The following SYTL2 variants were observed in gnomAD, a reference collection of about 807,000 sequenced individuals.
The protein encoded by SYTL2 is synaptotagmin-like protein 2.
In SYTL2, 165 loss-of-function variants were observed where a neutral mutation model predicts 198.7. That is an observed-to-expected ratio of 0.83 (90% CI 0.73 to 0.94). SYTL2 has a LOEUF of 0.94. Ranked by LOEUF, SYTL2 falls within the 40% of genes least tolerant of loss-of-function variation. The probability of loss-of-function intolerance (pLI) is 0.00; values close to 1 mark genes in which losing one functional copy is unlikely to be tolerated. For missense variants in SYTL2, 2,835 were observed against 2,582.8 expected, an observed-to-expected ratio of 1.10 and a Z score of -2.12; for synonymous variants, 966 against 917.7, an observed-to-expected ratio of 1.05 and a Z score of -0.95.
At chr11:85,853,379 T>A in the SYTL2 span, 1 of 438,714 alleles carries the variant, frequency 2.3e-6, no homozygotes, top group Non-Finnish European at 4.5e-6. Flanking sequence ...CGGTGCTCTC[T>A]GAAACATGTG....
chr11:85,804,895 G>A (rs1478666125), intron 1 of SYTL2, among the ~76,000 whole-genome samples: 1 of 152,200 alleles, frequency 6.6e-6, no homozygotes, highest in East Asian at 1.9e-4. Flanking sequence ...TGTAGAAATT[G>A]TAGCTAAATC....
chr11:85,844,157 G>A, the SYTL2 span, among the ~76,000 whole-genome samples: 1 of 152,196 alleles, frequency 6.6e-6, no homozygotes, highest in East Asian at 1.9e-4. Flanking sequence ...ACTCTATCGT[G>A]TAAGCCCTAG....
At chr11:85,720,272 A>G (rs188459920) in intron 9 of SYTL2, among the ~76,000 whole-genome samples, 1 of 152,356 alleles carries the variant, frequency 6.6e-6, no homozygotes, top group Non-Finnish European at 1.5e-5. Context: ...ACTCCGTATC[A>G]TGCAAAATTC....
chr11:85,835,651 T>A, the SYTL2 span, among the ~76,000 whole-genome samples: 1 of 152,196 alleles, frequency 6.6e-6, no homozygotes, highest in Non-Finnish European at 1.5e-5. Context: ...AATATCCCTC[T>A]CAGAACCCTC....
chr11:85,756,165 A>C (rs2091854388), intron 2 of SYTL2, among the ~76,000 whole-genome samples: 1 of 152,160 alleles, frequency 6.6e-6, no homozygotes, highest in Admixed American at 6.5e-5. Flanking sequence ...ATAAACTGTC[A>C]ATGGGTAGAG....
At chr11:85,846,437 TG>T in the SYTL2 span, among the ~76,000 whole-genome samples, 1 of 148,424 alleles carries the variant, frequency 6.7e-6, no homozygotes, top group Non-Finnish European at 1.5e-5. Context: ...CATTTCGTTT[TG>T]TTTTTTTGAG....
Position 85,725,206 on chromosome 11 carries a change from A to C in SYTL2, c.4152T>G (p.Ser1384Arg). ...LQKLCGEVWL[S>R]YPAGREVGPG... ...GACCTACTTCCCTTCCAGCTGGATA[A>C]CTTAACCATACTTCTCCACACAGCT... Residue 1384 changes from serine to arginine, a missense_variant, in exon 8 of 20, where the codon AGT (serine) becomes AGG (arginine). This residue lies in a region of SYTL2 where 2,645 missense variants were observed against 2,381.7 expected (regional missense o/e 1.11). Transcript: ENST00000359152. The C allele has an allele frequency of 1.2e-6, 2 of 1,614,154 alleles. No individual in the cohort carries two copies. Among genetic ancestry groups the C allele is most frequent in the South Asian group, 2.2e-5 (2 of 91,076 alleles).
chr11:85,849,329 C>T, the SYTL2 span, among the ~76,000 whole-genome samples: 20,773 of 152,084 alleles, frequency 0.14, 1,746 homozygotes, highest in Middle Eastern at 0.19. Context: ...CTTTTGTTGC[C>T]GTTGCTTTTG....
At chr11:85,710,292 G>A (rs527750802) in intron 13 of SYTL2, among the ~76,000 whole-genome samples, 1 of 152,310 alleles carries the variant, frequency 6.6e-6, no homozygotes, top group African/African-American at 2.4e-5. Flanking sequence ...AGGTCAGGAA[G>A]GGTAGAAAAT....
At chr11:85,823,973 A>G in the SYTL2 span, among the ~76,000 whole-genome samples, 2 of 152,182 alleles carry the variant, frequency 1.3e-5, no homozygotes, top group Admixed American at 1.3e-4. Context: ...ACTTGCAAAG[A>G]AACCATGGGA....
In SYTL2 at chr11:85,726,890, G is replaced by A. The variant is rs1316273712; in HGVS notation, c.2468C>T (p.Ser823Phe). ...CTTCACAGGCTGATATGCTTTAGCA[G>A]AAGGTTGTTCCTGGCTACATGAAGA... ...PTSSCSQEQPSAKAYQPVKKS... is the reference protein window; with the variant it reads ...PTSSCSQEQPFAKAYQPVKKS... Residue 823 changes from serine to phenylalanine, a missense_variant, in exon 8 of 20, where the codon TCT becomes TTT. Around this residue, in one of 3 missense-constraint regions of SYTL2, gnomAD observed 2,645 missense variants for 2,381.7 expected, o/e 1.11. Coordinates refer to ENST00000359152, the MANE Select transcript of SYTL2 (RefSeq NM_206927.4). The A allele has an allele frequency of 1.3e-6, 2 of 1,536,656 alleles. No individual in the cohort carries two copies. The highest frequency in any genetic ancestry group is 2.7e-5 in the African/African-American group (2 of 73,174).
chr11:85,798,821 C>CT (rs2092841817), intron 1 of SYTL2, among the ~76,000 whole-genome samples: 1 of 152,170 alleles, frequency 6.6e-6, no homozygotes, highest in African/African-American at 2.4e-5. Flanking sequence ...GTAGGCACCC[C>CT]TTCCCTGGCA....
chr11:85,837,661 A>AGGAGGCCC, the SYTL2 span, among the ~76,000 whole-genome samples: 4 of 152,168 alleles, frequency 2.6e-5, no homozygotes, highest in Admixed American at 2.6e-4. Flanking sequence ...TGACAGCAGA[A>AGGAGGCCC]CCAGGGTCTC....
intron 11 of SYTL2, chr11:85,716,453 CAA>C (rs2087247784): frequency 6.6e-6 from 1 of 152,148 alleles, no homozygotes; most frequent in South Asian, 2.1e-4. Flanking sequence ...ACCTCATAAG[CAA>C]AGTTTCAGGT....
In SYTL2 at chr11:85,745,695, G is replaced by C; in HGVS notation, c.331C>G (p.Pro111Ala). 4 of 1,613,918 alleles carry C rather than the reference G, an allele frequency of 2.5e-6. No homozygotes were observed. Among genetic ancestry groups the C allele is most frequent in the Non-Finnish European group, 3.4e-6 (4 of 1,179,834 alleles). The change falls in exon 4 of 20, where the codon CCA becomes GCA. Residue 111 changes from proline (P) to alanine (A), a missense_variant. By Grantham distance (27) the Pro-to-Ala change is conservative. This residue lies in a region of SYTL2 where 2,645 missense variants were observed against 2,381.7 expected (regional missense o/e 1.11). Transcript: ENST00000359152. ...NNVNKDAFLP[P>A]ELAGVVEEPE... is the part of the protein sequence containing the mutation. ...TCTTCTACAACGCCAGCCAGCTCTGGAGGAAGGAAAGCATCTTTGTTGACA... is the reference window on the plus strand; with the variant it reads ...TCTTCTACAACGCCAGCCAGCTCTGCAGGAAGGAAAGCATCTTTGTTGACA...
In SYTL2 at chr11:85,708,037, C is replaced by T. The variant is rs112835953; in HGVS notation, c.5916-506G>A. On this transcript the variant is annotated intron_variant, in intron 14 of 19. Transcript: ENST00000359152. ...AGTTAGCTGGGTGTGGTGATGCATG[C>T]CTGTAATTCCAGCTAGTCAGGAGGC... 297 of 364,460 alleles carry T rather than the reference C, an allele frequency of 8.1e-4. 3 individuals are homozygous for T. The highest frequency in any genetic ancestry group is 3.9e-3 in the African/African-American group (170 of 43,984). The allele number at this position is 364,460 out of a possible 1,614,324, so 22.6% of individuals were successfully genotyped here. A position where few individuals can be genotyped will look rare whatever the true frequency, so the allele number is the denominator to read the frequency against.
chr11:85,710,978 A>G (rs985878444), intron 13 of SYTL2, 135 bp downstream of exon 13: 2 of 898,108 alleles, frequency 2.2e-6, no homozygotes, highest in Non-Finnish European at 3.3e-6. Context: ...GCTAGCCAGA[A>G]GCTAATTATG....
intron 1 of SYTL2, among the ~76,000 whole-genome samples, chr11:85,781,606 A>G (rs187677128): frequency 6.6e-6 from 1 of 152,338 alleles, no homozygotes; most frequent in East Asian, 1.9e-4. Context: ...AGCCTGTAAA[A>G]TCAAAAGGAA....
At chr11:85,773,849 C>T (rs2092404756) in intron 1 of SYTL2, among the ~76,000 whole-genome samples, 1 of 152,156 alleles carries the variant, frequency 6.6e-6, no homozygotes, top group Admixed American at 6.5e-5. Context: ...GTAATCTTTG[C>T]AGAGCTGAAA....
Sources: gnomAD v4.1 joint callset for allele counts (sites outside exome capture counted in the v4.1 genomes callset) on GRCh38, gnomAD v4.1.1 for gene constraint, gnomAD v4.1.1 regional missense constraint, MANE v1.5 for transcripts, NCBI Gene and HGNC (gene_info 2026-07-23, HGNC 2026-07-21) for gene names.